DGKI: variants seen among roughly 807,000 people sequenced by gnomAD.
DGKI encodes DAG kinase iota.
DGKI carries 55 observed loss-of-function variants against 147.5 expected under a neutral mutation model. The observed-to-expected ratio is 0.37, with a 90% CI of 0.30 to 0.47. DGKI has a LOEUF of 0.47. Among genes scored for constraint, DGKI ranks in the 20% least tolerant of loss-of-function variants. The pLI is 1.00. For synonymous variants in DGKI, 469 were observed against 477.1 expected, an observed-to-expected ratio of 0.98 and a Z score of 0.22; for missense variants, 1,007 against 1,323.8, an observed-to-expected ratio of 0.76 and a Z score of 3.71.
At chr7:137,834,755 T>C (rs1356126182) in intron 1 of DGKI, among the ~76,000 whole-genome samples, 9 of 152,218 alleles carry the variant, frequency 5.9e-5, no homozygotes, top group Non-Finnish European at 1.3e-4. Flanking sequence ...AGTTTCACAA[T>C]AGTTTGGCAA....
intron 1 of DGKI, among the ~76,000 whole-genome samples, chr7:137,740,266 T>G (rs980090679): frequency 3.9e-5 from 6 of 152,228 alleles, no homozygotes; most frequent in African/African-American, 1.4e-4. Flanking sequence ...CAGCTTCCTC[T>G]GTCTGTCAAT....
At chr7:137,612,003 T>C (rs1820379860) in intron 8 of DGKI, among the ~76,000 whole-genome samples, 1 of 152,158 alleles carries the variant, frequency 6.6e-6, no homozygotes, top group Admixed American at 6.6e-5. Flanking sequence ...TGACAGGATG[T>C]CAGCAATTAA....
chr7:137,656,387 G>C (rs546227064), intron 4 of DGKI, 79 bp downstream of exon 4: 8 of 1,477,932 alleles, frequency 5.4e-6, no homozygotes, highest in Non-Finnish European at 7.5e-6. Context: ...CAAAAAGTTG[G>C]AACTGGAAAT....
intron 27 of DGKI, among the ~76,000 whole-genome samples, chr7:137,461,138 C>T (rs913167981): frequency 6.6e-6 from 1 of 152,196 alleles, no homozygotes; most frequent in Non-Finnish European, 1.5e-5. Context: ...AAGTAAACTT[C>T]TGTGGCTCTG....
chr7:137,833,043 G>C (rs913975431), intron 1 of DGKI, among the ~76,000 whole-genome samples: 8 of 152,154 alleles, frequency 5.3e-5, no homozygotes, highest in Admixed American at 5.2e-4. Context: ...ATGCCACTAT[G>C]AGCATTTTTG....
intron 1 of DGKI, among the ~76,000 whole-genome samples, chr7:137,720,424 A>T (rs2116611820): frequency 6.6e-6 from 1 of 151,622 alleles, no homozygotes; most frequent in African/African-American, 2.4e-5. Context: ...CGCCTGGCTA[A>T]TTTTTTTGTA....
At chr7:137,492,819 T>A (rs1006156127) in intron 21 of DGKI, among the ~76,000 whole-genome samples, 1 of 152,190 alleles carries the variant, frequency 6.6e-6, no homozygotes, top group Non-Finnish European at 1.5e-5. Context: ...TGGCATCTCC[T>A]GCTTGCAGTG....
chr7:137,680,519 C>T (rs999682940), intron 2 of DGKI, among the ~76,000 whole-genome samples: 1 of 152,166 alleles, frequency 6.6e-6, no homozygotes, highest in African/African-American at 2.4e-5. Flanking sequence ...GTGGCTCATG[C>T]CTGTAATCCC....
intron 28 of DGKI, among the ~76,000 whole-genome samples, chr7:137,429,205 A>T (rs1812955729): frequency 6.6e-6 from 1 of 151,926 alleles, no homozygotes; most frequent in South Asian, 2.1e-4. Context: ...CAAAACAGAG[A>T]TATAGATCAA....
intron 27 of DGKI, among the ~76,000 whole-genome samples, chr7:137,451,139 A>G (rs985483933): frequency 6.6e-6 from 1 of 152,198 alleles, no homozygotes; most frequent in African/African-American, 2.4e-5. Flanking sequence ...AAAAAATAAA[A>G]CAGGACAAAA....
At chr7:137,423,296 C>T (rs1187833182) in intron 28 of DGKI, among the ~76,000 whole-genome samples, 1 of 152,174 alleles carries the variant, frequency 6.6e-6, no homozygotes, top group Non-Finnish European at 1.5e-5. Flanking sequence ...CAGGCGTTGG[C>T]TTTACCCCTT....
intron 28 of DGKI, among the ~76,000 whole-genome samples, chr7:137,430,225 T>G (rs1452660681): frequency 6.6e-6 from 1 of 151,284 alleles, no homozygotes; most frequent in African/African-American, 2.4e-5. Context: ...TATGCAGCCA[T>G]AAAAAATGAT....
chr7:137,837,487 T>C (rs1399162236), intron 1 of DGKI, among the ~76,000 whole-genome samples: 1 of 152,228 alleles, frequency 6.6e-6, no homozygotes, highest in African/African-American at 2.4e-5. Context: ...CTGGTGTTTA[T>C]GTCCTCCCAA....
At position 137,824,879 on chromosome 7, in the gene DGKI, G is replaced by C. The variant is rs550620218; in HGVS notation, c.401+21583C>G. ...CCAGCTTCATCCATATGCCTGCAAAGAACACGATCTCATCCCTTTTTATGG... is the reference window on the plus strand; with the variant it reads ...CCAGCTTCATCCATATGCCTGCAAACAACACGATCTCATCCCTTTTTATGG... On this transcript the variant is annotated intron_variant, in intron 1 of 32. Coordinates refer to ENST00000614521, the MANE Select transcript of DGKI (RefSeq NM_001321708.2). Among the ~76,000 whole-genome samples, 8 of 152,300 alleles carry C rather than the reference G, an allele frequency of 5.3e-5. No homozygotes were observed. The South Asian group carries it at 1.5e-3, about 28-fold the overall frequency.
chr7:137,551,746 C>A (rs1818052018), intron 20 of DGKI, among the ~76,000 whole-genome samples: 1 of 152,126 alleles, frequency 6.6e-6, no homozygotes, highest in Non-Finnish European at 1.5e-5. Flanking sequence ...AAGGAAAACT[C>A]CAGGTGGGAT....
At chr7:137,784,903 A>T (rs188638389) in intron 1 of DGKI, among the ~76,000 whole-genome samples, 2 of 152,208 alleles carry the variant, frequency 1.3e-5, no homozygotes, top group East Asian at 1.9e-4. Context: ...GATGGAAATT[A>T]AAAAATTATT....
At chr7:137,442,983 G>T (rs1206338573) in intron 28 of DGKI, among the ~76,000 whole-genome samples, 2 of 152,126 alleles carry the variant, frequency 1.3e-5, no homozygotes, top group Non-Finnish European at 2.9e-5. Context: ...CATCTATATG[G>T]CAAAAGAAGT....
intron 3 of DGKI, among the ~76,000 whole-genome samples, chr7:137,675,285 T>C (rs1288172918): frequency 6.6e-6 from 1 of 152,170 alleles, no homozygotes; most frequent in Non-Finnish European, 1.5e-5. Flanking sequence ...CCTTGTTCGC[T>C]TGCTGGGAAG....
intron 21 of DGKI, among the ~76,000 whole-genome samples, chr7:137,496,551 ATAC>A (rs1815972509): frequency 6.6e-6 from 1 of 152,136 alleles, no homozygotes; most frequent in Non-Finnish European, 1.5e-5. Context: ...ACTCAAAACT[ATAC>A]TACAAGGCTA....
Sources: gnomAD v4.1 joint callset for allele counts (sites outside exome capture counted in the v4.1 genomes callset) on GRCh38, gnomAD v4.1.1 for gene constraint, MANE v1.5 for transcripts, NCBI Gene and HGNC (gene_info 2026-07-23, HGNC 2026-07-21) for gene names.